Variants in FRAS1 observed in about 807,000 individuals in gnomAD.
The protein encoded by FRAS1 is extracellular matrix organizing protein FRAS1.
FRAS1 carries 290 observed loss-of-function variants against 435.2 expected under a neutral mutation model. The observed-to-expected ratio is 0.67, with a 90% CI of 0.61 to 0.73. FRAS1 has a LOEUF of 0.73. FRAS1 is among the 30% of genes least tolerant of loss of function. The pLI is 0.00. For synonymous variants in FRAS1, 1,800 were observed against 1,851.0 expected, an observed-to-expected ratio of 0.97 and a Z score of 0.71; for missense variants, 4,860 against 5,001.5, an observed-to-expected ratio of 0.97 and a Z score of 0.85.
At chr4:78,517,095 T>A (rs1048582679) in intron 66 of FRAS1, among the ~76,000 whole-genome samples, 3 of 152,250 alleles carry the variant, frequency 2.0e-5, no homozygotes, top group African/African-American at 7.2e-5. Context: ...TAGATGTTTG[T>A]TCTTCATTTC....
chr4:78,126,648 T>A (rs1719371952), intron 2 of FRAS1, among the ~76,000 whole-genome samples: 1 of 152,262 alleles, frequency 6.6e-6, no homozygotes, highest in Non-Finnish European at 1.5e-5. Flanking sequence ...GACCAGCCCA[T>A]GCTCCCTTCC....
intron 6 of FRAS1, among the ~76,000 whole-genome samples, chr4:78,256,195 C>A (rs1725787672): frequency 6.6e-6 from 1 of 152,088 alleles, no homozygotes; most frequent in Non-Finnish European, 1.5e-5. Flanking sequence ...TGACAAAAGG[C>A]AATTAGACAA....
intron 16 of FRAS1, among the ~76,000 whole-genome samples, chr4:78,316,419 T>C (rs1162024349): frequency 3.9e-5 from 6 of 152,088 alleles, no homozygotes; most frequent in African/African-American, 7.2e-5. Flanking sequence ...TTTAGACCCA[T>C]CTCAACATCT....
chr4:78,288,486 T>C (rs1050988134), intron 14 of FRAS1, among the ~76,000 whole-genome samples: 10 of 152,194 alleles, frequency 6.6e-5, no homozygotes, highest in African/African-American at 2.4e-4. Flanking sequence ...CTAATGCTAG[T>C]TTAGGGCATT....
intron 12 of FRAS1, among the ~76,000 whole-genome samples, chr4:78,283,565 A>G (rs1727432276): frequency 6.6e-6 from 1 of 152,176 alleles, no homozygotes; most frequent in Admixed American, 6.5e-5. Flanking sequence ...TTTGCCTATA[A>G]GTTTAGTCTC....
intron 2 of FRAS1, among the ~76,000 whole-genome samples, chr4:78,095,434 G>A (rs905028970): frequency 1.1e-4 from 16 of 152,178 alleles, no homozygotes; most frequent in African/African-American, 3.9e-4. Context: ...CTTGGTTCTG[G>A]TCACGGGAGC....
chr4:78,337,410 C>G (rs1730212560), intron 19 of FRAS1, among the ~76,000 whole-genome samples: 1 of 152,174 alleles, frequency 6.6e-6, no homozygotes, highest in Admixed American at 6.5e-5. Flanking sequence ...GATGATCATG[C>G]TGGTCTCTCT....
chr4:78,516,657 G>A (rs949199445), intron 66 of FRAS1, among the ~76,000 whole-genome samples: 1 of 152,190 alleles, frequency 6.6e-6, no homozygotes, highest in African/African-American at 2.4e-5. Flanking sequence ...GGCTGGAGAG[G>A]CCTCAGGAAA....
intron 14 of FRAS1, among the ~76,000 whole-genome samples, chr4:78,290,231 G>C (rs1727821753): frequency 6.6e-6 from 1 of 152,152 alleles, no homozygotes; most frequent in Admixed American, 6.5e-5. Context: ...AAGAGAAAGA[G>C]TACGATTTAG....
At position 78,452,369 on chromosome 4, in the gene FRAS1, T is replaced by G; in HGVS notation, c.6763+15T>G. 1 of 1,580,394 alleles carries G rather than the reference T, an allele frequency of 6.3e-7. No individual in the cohort carries two copies. Among genetic ancestry groups the G allele is most frequent in the Middle Eastern group, 1.7e-4 (1 of 5,928 alleles). ...AGCATCACCAGGTAAGTCTATCATC[T>G]CTTGATTTACTGAATCAAAACTTAG... On this transcript the variant is annotated intron_variant, in intron 47 of 73. Transcript: ENST00000512123.
At chr4:78,376,726 C>T (rs919296164) in intron 26 of FRAS1, among the ~76,000 whole-genome samples, 31 of 152,152 alleles carry the variant, frequency 2.0e-4, no homozygotes, top group Admixed American at 3.9e-4. Context: ...CATGGTGGCT[C>T]ACGCCTGTAA....
chr4:78,488,041 G>C (rs959227993), intron 58 of FRAS1, among the ~76,000 whole-genome samples: 1 of 152,160 alleles, frequency 6.6e-6, no homozygotes, highest in Non-Finnish European at 1.5e-5. Flanking sequence ...GCTGAGGCAG[G>C]AAAATTGCTT....
At chr4:78,531,122 A>G (rs1578377080) in intron 70 of FRAS1, among the ~76,000 whole-genome samples, 1 of 152,180 alleles carries the variant, frequency 6.6e-6, no homozygotes, top group East Asian at 1.9e-4. Context: ...GAGTTCACTC[A>G]TGATTTGGCT....
At chr4:78,248,986 C>T (rs1477767843) in intron 4 of FRAS1, among the ~76,000 whole-genome samples, 1 of 144,576 alleles carries the variant, frequency 6.9e-6, no homozygotes, top group Non-Finnish European at 1.5e-5. Context: ...TTACAGAGCT[C>T]TCTTTGCTAC....
At chr4:78,059,971 A>T (rs1019499726) in intron 1 of FRAS1, among the ~76,000 whole-genome samples, 1 of 152,016 alleles carries the variant, frequency 6.6e-6, no homozygotes, top group Non-Finnish European at 1.5e-5. Context: ...GTTTGACTTT[A>T]CTGTCAGAGC....
chr4:78,503,693 G>GT (rs1336180952), intron 61 of FRAS1, among the ~76,000 whole-genome samples: 1 of 152,050 alleles, frequency 6.6e-6, no homozygotes, highest in Non-Finnish European at 1.5e-5. Context: ...TGTTTGAAGG[G>GT]TTTTTTGTGT....
chr4:78,429,028 GTGTGTGTGTGCGTGTCTC>G, intron 35 of FRAS1, 49 bp from the exon 36 acceptor site: 4 of 1,482,540 alleles, frequency 2.7e-6, no homozygotes, highest in Non-Finnish European at 3.6e-6. Flanking sequence ...GTTGATTCGT[GTGTGTGTGTGCGTGTCTC>G]TGTGTGTGTG....
chr4:78,182,897 A>G (rs201930156), intron 2 of FRAS1, among the ~76,000 whole-genome samples: 862 of 23,010 alleles, frequency 0.037, 21 homozygotes, highest in Middle Eastern at 0.081. Flanking sequence ...AGAAAAAAAG[A>G]AAAAAAAAAA....
At chr4:78,119,589 G>T (rs573954841) in intron 2 of FRAS1, among the ~76,000 whole-genome samples, 23 of 152,234 alleles carry the variant, frequency 1.5e-4, no homozygotes, top group African/African-American at 5.3e-4. Flanking sequence ...CCATTCAGCT[G>T]TTGTTGGACA....
Sources: allele counts gnomAD v4.1 joint callset (sites outside exome capture counted in the v4.1 genomes callset), GRCh38; gene constraint gnomAD v4.1.1; transcripts MANE v1.5; gene names NCBI Gene and HGNC (gene_info 2026-07-23, HGNC 2026-07-21).